Variants in THUMPD1 observed in about 807,000 individuals in gnomAD.
THUMPD1 encodes the protein THUMP domain-containing protein 1.
In THUMPD1, 31 loss-of-function variants were observed where a neutral mutation model predicts 31.6. That is an observed-to-expected ratio of 0.98 (90% CI 0.74 to 1.32). The LOEUF (loss-of-function observed/expected upper bound fraction) is 1.32. Among genes scored for constraint, THUMPD1 ranks in the 40% most tolerant of loss-of-function variants. The pLI is 0.00. For missense variants in THUMPD1, 446 were observed against 427.8 expected, an observed-to-expected ratio of 1.04 and a Z score of -0.38; for synonymous variants, 166 against 158.2, an observed-to-expected ratio of 1.05 and a Z score of -0.37.
Position 20,735,801 on chromosome 16 carries a change from A to C in THUMPD1, c.*1079T>G, listed in dbSNP as rs2079864015. 1 of 152,244 alleles carries C rather than the reference A, an allele frequency of 6.6e-6. No individual in the cohort carries two copies. Among genetic ancestry groups the C allele is most frequent in the Admixed American group, 6.5e-5 (1 of 15,288 alleles). 9.4% of individuals were successfully genotyped at this position (152,244 alleles called of 1,614,324 possible). ...CTGCTACTTTTCAGTTAATGACACAAAACCTTTTTTGCATCATATGACATA... is the reference window on the plus strand; with the variant it reads ...CTGCTACTTTTCAGTTAATGACACACAACCTTTTTTGCATCATATGACATA... On this transcript the variant is annotated 3_prime_UTR_variant, in exon 4 of 4. Coordinates refer to ENST00000396083, the MANE Select transcript of THUMPD1 (RefSeq NM_017736.5).
In THUMPD1 at chr16:20,734,669, T is replaced by C. The variant is rs2079853987; in HGVS notation, c.*2211A>G. ...ATATTCTTAATCTGGACAGTTAATT[T>C]TGCAGACTTTGTTGGTGTCTGCCTT... On this transcript the variant is annotated 3_prime_UTR_variant, in exon 4 of 4. Transcript: ENST00000396083. 1.3e-5 allele frequency: 2 copies of C among 152,348 alleles called. No homozygotes were observed. The highest frequency in any genetic ancestry group is 1.3e-4 in the Admixed American group (2 of 15,298). The allele number at this position is 152,348 out of a possible 1,614,324, so 9.4% of individuals were successfully genotyped here.
chr16:20,737,133 C>A lies in THUMPD1; in HGVS notation c.809G>T (p.Ser270Ile). The change falls in exon 4 of 4, where the codon AGC becomes ATC. Residue 270 changes from serine to isoleucine, a missense_variant. Transcript: ENST00000396083. ...RKYNLQEVVK[S>I]PKDPSQLNSK... is the part of the protein sequence containing the mutation. ...GTTAAGCTGTGACGGATCCTTAGGG[C>A]TCTTCACCACCTCCTGGAGATTGTA... 6.2e-7 allele frequency: 1 copy of A among 1,614,176 alleles called. No homozygotes were observed. Among genetic ancestry groups the A allele is most frequent in the Non-Finnish European group, 8.5e-7 (1 of 1,180,030 alleles).
chr16:20,738,727 C>T (rs1214211196), intron 2 of THUMPD1, 170 bp downstream of exon 2: 4 of 706,618 alleles, frequency 5.7e-6, no homozygotes, highest in Non-Finnish European at 9.4e-6. Flanking sequence ...GCTACGTCCA[C>T]CACCCCATTC....
chr16:20,738,149 A>G, intron 2 of THUMPD1, 193 bp from the exon 3 acceptor site: 1 of 677,488 alleles, frequency 1.5e-6, no homozygotes, highest in South Asian at 1.4e-5. Flanking sequence ...TGTATCTAAT[A>G]TATTTTAACT....
intron 1 of THUMPD1, 31 bp downstream of exon 1, chr16:20,741,478 C>CCGGGGGGGGGGGGGGGGCGG: frequency 7.5e-7 from 1 of 1,336,934 alleles, no homozygotes. Flanking sequence ...GGCCTGGCAG[C>CCGGGGGGGGGGGGGGGGCGG]CGGCCCGCCC....
At position 20,741,644 on chromosome 16, in the gene THUMPD1, G is replaced by A. The variant is rs116141535; in HGVS notation, c.96C>T (p.Asp32=). The A allele has an allele frequency of 1.2e-3, 1,846 of 1,583,012 alleles. 26 individuals are homozygous for A. The African/African-American group carries it at 0.022, about 18-fold the overall frequency. The stretch of plus-strand genomic sequence containing the variant: ...GCTCTAGCTGACGGGGCCCGCCAGC[G>A]TCGCAGCGCCGAGCGCGCTTGGCCA... ...YVLAKRARRC[D]AGGPRQLEPG... Residue 32 remains aspartate, a synonymous_variant, in exon 1 of 4, where the codon GAC becomes GAT. Coordinates refer to ENST00000396083, the MANE Select transcript of THUMPD1 (RefSeq NM_017736.5).
Position 20,736,025 on chromosome 16 carries a change from G to C in THUMPD1, c.*855C>G, listed in dbSNP as rs1461059695. On this transcript the variant is annotated 3_prime_UTR_variant, in exon 4 of 4. Transcript: ENST00000396083. ...AACAAAAGCCTTACTGTTTTTGATA[G>C]TCCAAAAGCCATTTGAAAATAATGA... 1 of 152,160 alleles carries C rather than the reference G, an allele frequency of 6.6e-6. No individual in the cohort carries two copies. The highest frequency in any genetic ancestry group is 1.5e-5 in the Non-Finnish European group (1 of 68,026). The allele number at this position is 152,160 out of a possible 1,614,324, so 9.4% of individuals were successfully genotyped here.
rs373748550 is a variant in THUMPD1 at position 20,737,048 on chromosome 16, G to T, written c.894C>A (p.Asn298Lys). Residue 298 changes from asparagine to lysine, a missense_variant, in exon 4 of 4, where the codon AAC (asparagine) becomes AAA (lysine). By Grantham distance (94) the Asn-to-Lys change is moderately conservative. Transcript: ENST00000396083. ...GGTTATTTTTTCCTTCTGCTGTGTT[G>T]TTTTGGTCTGATTTGTCCGCAGATT... is the stretch of plus-strand genomic sequence containing the variant. ...KLESADKSDQ[N>K]NTAEGKNNQQ... 6.2e-7 allele frequency: 1 copy of T among 1,614,106 alleles called. No individual in the cohort carries two copies. The highest frequency in any genetic ancestry group is 1.3e-5 in the African/African-American group (1 of 75,010).
At position 20,739,884 on chromosome 16, in the gene THUMPD1, A is replaced by G. The variant is rs148043923; in HGVS notation, c.232-813T>C. Among the ~76,000 whole-genome samples, 821 of 152,256 alleles carry G rather than the reference A, an allele frequency of 5.4e-3. 5 individuals carry two copies. Among genetic ancestry groups the G allele is most frequent in the African/African-American group, 0.018 (768 of 41,542 alleles). On this transcript the variant is annotated intron_variant, in intron 1 of 3. Coordinates refer to ENST00000396083, the MANE Select transcript of THUMPD1 (RefSeq NM_017736.5). ...GGAATTCCCGCAGACTATAGAATGT[A>G]AAATTTGAAAATGTTTTCAAAAGCA... is the stretch of plus-strand genomic sequence containing the variant.
Position 20,741,492 on chromosome 16 carries a change from C to A in THUMPD1, c.231+17G>T, listed in dbSNP as rs2079922458. Reference sequence around the variant, plus strand: ...AGGCCTGGCAGCCGGCCCGCCCGCCCACCCCGGGACCGGTACCTTTTCTGG... The same window carrying A: ...AGGCCTGGCAGCCGGCCCGCCCGCCAACCCCGGGACCGGTACCTTTTCTGG... On this transcript the variant is annotated intron_variant, in intron 1 of 3. Coordinates refer to ENST00000396083, the MANE Select transcript of THUMPD1 (RefSeq NM_017736.5). The A allele has an allele frequency of 1.1e-5, 4 of 380,056 alleles. No homozygotes were observed. The highest frequency in any genetic ancestry group is 6.7e-5 in the South Asian group (1 of 14,914). The allele number at this position is 380,056 out of a possible 1,614,324, so 23.5% of individuals were successfully genotyped here.
chr16:20,739,623 C>A (rs1403535875), intron 1 of THUMPD1, among the ~76,000 whole-genome samples: 1 of 151,924 alleles, frequency 6.6e-6, no homozygotes, highest in Non-Finnish European at 1.5e-5. Context: ...AAGTTCGAGA[C>A]CAGCCTAGCC....
rs911776077 is a variant in THUMPD1, at chr16:20,735,195, T to C, written c.*1685A>G. On this transcript the variant is annotated 3_prime_UTR_variant, in exon 4 of 4. Transcript: ENST00000396083. ...AAAAACGTCTGCAAAATAGGCTACT[T>C]TCTGTAGTCATTTTTCATTTCCAAA... 9.9e-5 allele frequency: 15 copies of C among 152,194 alleles called. No individual in the cohort carries two copies. The highest frequency in any genetic ancestry group is 3.4e-4 in the African/African-American group (14 of 41,448). The allele number at this position is 152,194 out of a possible 1,614,324, so 9.4% of individuals were successfully genotyped here.
At chr16:20,738,201 G>A in intron 2 of THUMPD1, 1 of 534,174 alleles carries the variant, frequency 1.9e-6, no homozygotes. Flanking sequence ...GACTGTTTAG[G>A]TAGACACCGT....
Position 20,737,068 on chromosome 16 carries a change from C to T in THUMPD1, c.874G>A (p.Ala292Thr). The T allele has an allele frequency of 2.5e-6, 4 of 1,614,170 alleles. No individual in the cohort carries two copies. Among genetic ancestry groups the T allele is most frequent in the South Asian group, 1.1e-5 (1 of 91,078 alleles). Reference sequence around the variant, plus strand: ...GTGTTGTTTTGGTCTGATTTGTCCGCAGATTCCAGTTTAGCTTCTTTCCCA... The same window carrying T: ...GTGTTGTTTTGGTCTGATTTGTCCGTAGATTCCAGTTTAGCTTCTTTCCCA... The part of the protein sequence containing the change: ...GNGKEAKLES[A>T]DKSDQNNTAE... Residue 292 changes from alanine to threonine, a missense_variant, in exon 4 of 4, where the codon GCG (alanine) becomes ACG (threonine). Physicochemically the swap from Ala to Thr is moderately conservative, Grantham distance 58 (BLOSUM62 0). Transcript: ENST00000396083.
Position 20,741,814 on chromosome 16 carries a change from C to G in THUMPD1, c.-75G>C. The stretch of plus-strand genomic sequence containing the variant: ...CGTCCTCGTCTATCGCCGGCGCGAA[C>G]TGGTGACGTCGGATATGAGCGACGG... On this transcript the variant is annotated 5_prime_UTR_variant, in exon 1 of 4. Transcript: ENST00000396083. The G allele has an allele frequency of 6.5e-7, 1 of 1,542,498 alleles. No homozygotes were observed. The highest frequency in any genetic ancestry group is 8.7e-7 in the Non-Finnish European group (1 of 1,146,838).
chr16:20,741,481 G>GGGGGGGGGCCC, intron 1 of THUMPD1, 28 bp downstream of exon 1: 2 of 1,308,410 alleles, frequency 1.5e-6, no homozygotes, highest in Non-Finnish European at 2.0e-6. Context: ...CTGGCAGCCG[G>GGGGGGGGGCCC]CCCGCCCGCC....
Position 20,741,708 on chromosome 16 carries a change from G to C in THUMPD1, c.32C>G (p.Pro11Arg). Residue 11 changes from proline to arginine, a missense_variant, in exon 1 of 4, where the codon CCT (proline) becomes CGT (arginine). Physicochemically the swap from Pro to Arg is moderately radical, Grantham distance 103. Coordinates refer to ENST00000396083, the MANE Select transcript of THUMPD1 (RefSeq NM_017736.5). MAAPAQQTTQPGGGKRKGKAQ... is the reference protein window; with the variant it reads MAAPAQQTTQRGGGKRKGKAQ... ...CTTGCCTTTGCGCTTCCCGCCGCCAGGCTGAGTAGTCTGCTGGGCAGGGGC... is the reference window on the plus strand; with the variant it reads ...CTTGCCTTTGCGCTTCCCGCCGCCACGCTGAGTAGTCTGCTGGGCAGGGGC... 6.3e-7 allele frequency: 1 copy of C among 1,577,994 alleles called. No homozygotes were observed. The highest frequency in any genetic ancestry group is 8.6e-7 in the Non-Finnish European group (1 of 1,161,704).
chr16:20,740,172 C>T (rs1177536487), intron 1 of THUMPD1, among the ~76,000 whole-genome samples: 1 of 152,134 alleles, frequency 6.6e-6, no homozygotes, highest in African/African-American at 2.4e-5. Context: ...GTGGGCGGAT[C>T]CCTTGAGCCT....
intron 1 of THUMPD1, 90 bp from the exon 2 acceptor site, chr16:20,739,161 G>C: frequency 7.5e-7 from 1 of 1,335,792 alleles, no homozygotes; most frequent in East Asian, 2.4e-5. Context: ...CCTGGCGGCA[G>C]GTGGCTCAGT....
Sources: gnomAD v4.1 joint callset for allele counts (sites outside exome capture counted in the v4.1 genomes callset) on GRCh38, gnomAD v4.1.1 for gene constraint, MANE v1.5 for transcripts, NCBI Gene and HGNC (gene_info 2026-07-23, HGNC 2026-07-21) for gene names.